The following PALM2AKAP2 variants were observed in gnomAD, a reference collection of about 807,000 sequenced individuals.
PALM2AKAP2 encodes PALM2-AKAP2 fusion protein.
Under a neutral mutation model 71.5 loss-of-function variants are expected in PALM2AKAP2, and 37 were observed. The ratio of observed to expected loss-of-function variants is 0.52; its 90% CI spans 0.40 to 0.68. The LOEUF is 0.68. Among genes scored for constraint, PALM2AKAP2 ranks in the 30% least tolerant of loss-of-function variants. PALM2AKAP2 has a pLI of 0.00. For missense variants in PALM2AKAP2, 1,224 were observed against 1,191.8 expected, an observed-to-expected ratio of 1.03 and a Z score of -0.40; for synonymous variants, 468 against 478.8, an observed-to-expected ratio of 0.98 and a Z score of 0.29.
chr9:109,876,479 T>C (rs572684305), intron 2 of PALM2AKAP2, among the ~76,000 whole-genome samples: 1 of 152,272 alleles, frequency 6.6e-6, no homozygotes, highest in East Asian at 1.9e-4. Flanking sequence ...CAGTTTTTTT[T>C]CTTTCTTTCT....
chr9:109,735,439 T>A (rs1326012194), intron 1 of PALM2AKAP2, among the ~76,000 whole-genome samples: 2 of 151,992 alleles, frequency 1.3e-5, no homozygotes, highest in Non-Finnish European at 2.9e-5. Flanking sequence ...TAAAGGCAGT[T>A]TCATGGGACA....
chr9:109,744,199 C>G (rs1828762769), intron 1 of PALM2AKAP2, among the ~76,000 whole-genome samples: 1 of 152,108 alleles, frequency 6.6e-6, no homozygotes, highest in Non-Finnish European at 1.5e-5. Context: ...AGGGAAAAAG[C>G]TATCCATGTG....
At position 110,075,527 on chromosome 9, in the gene PALM2AKAP2, G is replaced by T. The variant is rs192163786; in HGVS notation, c.156+26672G>T. Among the ~76,000 whole-genome samples the T allele has an allele frequency of 1.7e-3, 262 of 152,062 alleles. 6 individuals carry two copies. The highest frequency in any genetic ancestry group is 8.7e-3 in the Admixed American group (133 of 15,274). ...TACCACTCAGAAATGACGTGCCACT[G>T]GTAACATTTAGACTTATTTCCTCCT... On this transcript the variant is annotated intron_variant, in intron 1 of 3. Transcript: ENST00000374525.
chr9:110,082,096 T>G (rs796428219), intron 1 of PALM2AKAP2, among the ~76,000 whole-genome samples: 2 of 152,278 alleles, frequency 1.3e-5, no homozygotes, highest in African/African-American at 4.8e-5. Context: ...TGTTTTGTTT[T>G]GTTTTTTTGA....
At chr9:109,788,050 C>G (rs1199479475) in intron 1 of PALM2AKAP2, among the ~76,000 whole-genome samples, 1 of 152,178 alleles carries the variant, frequency 6.6e-6, no homozygotes, top group Non-Finnish European at 1.5e-5. Context: ...TTTGCGATAT[C>G]TTTTGACATT....
At chr9:109,895,475 G>A (rs1449755193) in intron 3 of PALM2AKAP2, among the ~76,000 whole-genome samples, 1 of 152,204 alleles carries the variant, frequency 6.6e-6, no homozygotes, top group Non-Finnish European at 1.5e-5. Context: ...TTTTTGTCAG[G>A]CTAGAAGAGG....
At position 110,111,086 on chromosome 9, in the gene PALM2AKAP2, C is replaced by CTTTTTTTT. The variant is rs34958946; in HGVS notation, c.157-25025_157-25018dup. 3.4e-3 allele frequency among the ~76,000 whole-genome samples: 289 copies of CTTTTTTTT among 84,194 alleles called. 8 individuals are homozygous for CTTTTTTTT. Among genetic ancestry groups the CTTTTTTTT allele is most frequent in the African/African-American group, 5.1e-3 (103 of 20,340 alleles). 55.2% of individuals were successfully genotyped at this position (84,194 alleles called of 152,430 possible). A position where few individuals can be genotyped will look rare whatever the true frequency, so the allele number is the denominator to read the frequency against. ...TCCTTTTTTCTTTTCTTTCTTTCTT[C>CTTTTTTTT]TTTTTTTTTTTTTTTTTTTTTTTGA... is the stretch of plus-strand genomic sequence containing the variant. On this transcript the variant is annotated intron_variant, in intron 1 of 3. Coordinates refer to ENST00000374525, the Ensembl canonical transcript of PALM2AKAP2.
intron 6 of PALM2AKAP2, among the ~76,000 whole-genome samples, chr9:110,006,809 C>A (rs1468304513): frequency 6.6e-6 from 1 of 152,138 alleles, no homozygotes; most frequent in Non-Finnish European, 1.5e-5. Context: ...AGCTGATGGC[C>A]CCCTACCTAT....
chr9:110,048,931 G>C, intron 1 of PALM2AKAP2: 1 of 1,408,218 alleles, frequency 7.1e-7, no homozygotes, highest in South Asian at 1.5e-5. Flanking sequence ...GGAAGGGGTT[G>C]CCGAGGAAGG....
chr9:109,860,234 T>C (rs1829275022), intron 1 of PALM2AKAP2, among the ~76,000 whole-genome samples: 1 of 152,216 alleles, frequency 6.6e-6, no homozygotes, highest in South Asian at 2.1e-4. Flanking sequence ...GGTTTTCAGT[T>C]TTTAGACAGA....
intron 1 of PALM2AKAP2, among the ~76,000 whole-genome samples, chr9:109,722,337 T>G (rs545295125): frequency 7.2e-5 from 11 of 152,298 alleles, no homozygotes; most frequent in African/African-American, 2.6e-4. Flanking sequence ...TTAATATCCC[T>G]GGAAGCATAC....
intron 3 of PALM2AKAP2, among the ~76,000 whole-genome samples, chr9:110,160,787 A>G (rs939321207): frequency 6.6e-6 from 1 of 152,070 alleles, no homozygotes; most frequent in Non-Finnish European, 1.5e-5. Context: ...GTTCAGCCCC[A>G]TCTTTACTTT....
intron 1 of PALM2AKAP2, among the ~76,000 whole-genome samples, chr9:109,655,432 T>C (rs1405969313): frequency 6.6e-6 from 1 of 152,194 alleles, no homozygotes; most frequent in Non-Finnish European, 1.5e-5. Context: ...ATGTATTTTG[T>C]GTGTGTGGTA....
At chr9:109,997,285 C>T (rs980268625) in intron 6 of PALM2AKAP2, among the ~76,000 whole-genome samples, 2 of 152,148 alleles carry the variant, frequency 1.3e-5, no homozygotes. Flanking sequence ...CTTTTGCAAG[C>T]CTGTTTTCTC....
chr9:110,048,461 C>T (rs1420862794), upstream of PALM2AKAP2: 2 of 515,184 alleles, frequency 3.9e-6, no homozygotes, highest in Admixed American at 3.9e-5. Flanking sequence ...ATCCATCCCT[C>T]CGTCTTTCCC....
At chr9:109,932,568 T>C (rs1326813441) in intron 6 of PALM2AKAP2, among the ~76,000 whole-genome samples, 1 of 152,258 alleles carries the variant, frequency 6.6e-6, no homozygotes, top group Non-Finnish European at 1.5e-5. Context: ...AGCACACATG[T>C]TACTTGCTAA....
At chr9:110,158,560 C>G (rs767960493) in intron 3 of PALM2AKAP2, among the ~76,000 whole-genome samples, 29 of 152,186 alleles carry the variant, frequency 1.9e-4, no homozygotes, top group South Asian at 4.1e-4. Flanking sequence ...GACACTCTGG[C>G]AGCCACCTAA....
intron 3 of PALM2AKAP2, among the ~76,000 whole-genome samples, chr9:109,904,927 G>A (rs1830413486): frequency 1.3e-5 from 2 of 152,158 alleles, no homozygotes; most frequent in South Asian, 2.1e-4. Flanking sequence ...CTTCTGTGCT[G>A]TAAAAGGGCT....
intron 1 of PALM2AKAP2, among the ~76,000 whole-genome samples, chr9:110,058,406 G>A (rs1833891182): frequency 6.6e-6 from 1 of 152,146 alleles, no homozygotes; most frequent in Admixed American, 6.6e-5. Flanking sequence ...GGTGCTACAA[G>A]GCAACATTCC....
Sources: allele counts gnomAD v4.1 joint callset (sites outside exome capture counted in the v4.1 genomes callset), GRCh38; gene constraint gnomAD v4.1.1; transcripts MANE v1.5; gene names NCBI Gene and HGNC (gene_info 2026-07-23, HGNC 2026-07-21).